Variants in XRCC4 observed in about 807,000 individuals in gnomAD.
XRCC4 encodes DNA repair protein XRCC4.
XRCC4 carries 28 observed loss-of-function variants against 39.1 expected under a neutral mutation model. The ratio of observed to expected loss-of-function variants is 0.72; its 90% confidence interval spans 0.53 to 0.98. XRCC4 has a LOEUF of 0.98. Ranked by LOEUF, XRCC4 falls within the 50% of genes least tolerant of loss-of-function variation. The pLI is 0.00. For synonymous variants in XRCC4, 123 were observed against 126.4 expected (o/e 0.97, Z 0.18); for missense variants, 350 against 376.4 (o/e 0.93, Z 0.58).
At chr5:83,245,231 G>A (rs996299134) in intron 6 of XRCC4, among the ~76,000 whole-genome samples, 22 of 146,750 alleles carry the variant, frequency 1.5e-4, no homozygotes, top group African/African-American at 4.3e-4. Context: ...CAGGTGTTTT[G>A]GTTAAAAAAA....
the XRCC4 span, among the ~76,000 whole-genome samples, chr5:83,360,433 C>T: frequency 6.6e-6 from 1 of 152,120 alleles, no homozygotes; most frequent in Non-Finnish European, 1.5e-5. Context: ...GTATATTTCT[C>T]TGAGGAACTA....
chr5:83,336,169 T>C (rs1466983958), intron 7 of XRCC4, among the ~76,000 whole-genome samples: 2 of 152,104 alleles, frequency 1.3e-5, no homozygotes, highest in East Asian at 3.8e-4. Context: ...ATTTAAGTTT[T>C]TATCATCTGT....
chr5:83,303,683 T>C (rs1755376080), intron 7 of XRCC4, among the ~76,000 whole-genome samples: 1 of 152,040 alleles, frequency 6.6e-6, no homozygotes, highest in Non-Finnish European at 1.5e-5. Flanking sequence ...TAGTAAAAAA[T>C]ACAAATAATA....
chr5:83,119,306 T>C (rs111256402), intron 3 of XRCC4, among the ~76,000 whole-genome samples: 1 of 152,202 alleles, frequency 6.6e-6, no homozygotes, highest in Non-Finnish European at 1.5e-5. Context: ...GATGTGTTGT[T>C]TGAATGCCTG....
At chr5:83,366,362 G>A in the XRCC4 span, among the ~76,000 whole-genome samples, 1 of 152,046 alleles carries the variant, frequency 6.6e-6, no homozygotes, top group African/African-American at 2.4e-5. Flanking sequence ...ATTCATCTAT[G>A]TCTCTCCCAA....
chr5:83,128,376 A>T (rs1205768372), intron 3 of XRCC4, among the ~76,000 whole-genome samples: 3 of 152,240 alleles, frequency 2.0e-5, no homozygotes, highest in Admixed American at 6.5e-5. Flanking sequence ...TCTATCATTG[A>T]TGGACATTTG....
intron 3 of XRCC4, among the ~76,000 whole-genome samples, chr5:83,114,484 G>C (rs1367131015): frequency 2.0e-5 from 3 of 152,160 alleles, no homozygotes; most frequent in African/African-American, 7.2e-5. Flanking sequence ...TCTGGGGAAG[G>C]GGCAAAATGC....
intron 6 of XRCC4, among the ~76,000 whole-genome samples, chr5:83,211,418 A>C (rs1751640471): frequency 6.6e-6 from 1 of 152,248 alleles, no homozygotes; most frequent in South Asian, 2.1e-4. Flanking sequence ...GTGTTAGGCC[A>C]ATGGATCTAC....
intron 1 of XRCC4, among the ~76,000 whole-genome samples, chr5:83,099,673 G>A (rs1012759467): frequency 3.9e-5 from 6 of 152,134 alleles, no homozygotes; most frequent in Admixed American, 3.3e-4. Context: ...ACAAATTGGG[G>A]TGGGACCCAA....
At chr5:83,262,896 G>C (rs1753811246) in intron 7 of XRCC4, among the ~76,000 whole-genome samples, 1 of 142,870 alleles carries the variant, frequency 7.0e-6, no homozygotes, top group African/African-American at 2.6e-5. Context: ...ACATTGTGCA[G>C]GTTAGTTACA....
chr5:83,365,451 G>A, the XRCC4 span, among the ~76,000 whole-genome samples: 1 of 152,168 alleles, frequency 6.6e-6, no homozygotes, highest in Non-Finnish European at 1.5e-5. Context: ...GCTTCACATG[G>A]TGAGTGTTCC....
At chr5:83,125,033 A>C (rs756286242) in intron 3 of XRCC4, among the ~76,000 whole-genome samples, 18 of 152,312 alleles carry the variant, frequency 1.2e-4, no homozygotes, top group Non-Finnish European at 2.5e-4. Flanking sequence ...CCATTCTAAT[A>C]GGTGTGTTAT....
chr5:83,096,353 G>T (rs139143550), intron 1 of XRCC4, among the ~76,000 whole-genome samples: 62 of 152,176 alleles, frequency 4.1e-4, no homozygotes, highest in African/African-American at 1.2e-3. Flanking sequence ...GTAACTTTTG[G>T]GTCCACTGCC....
rs866805211 is a variant in XRCC4 at position 83,347,789 on chromosome 5, G to T, written c.894-5342G>T. Among the ~76,000 whole-genome samples the T allele has an allele frequency of 5.3e-5, 8 of 152,180 alleles. No individual in the cohort carries two copies. In the South Asian group the frequency reaches 6.2e-4, roughly 12 times the overall value. On this transcript the variant is annotated intron_variant, in intron 7 of 7. Coordinates refer to ENST00000396027, the MANE Select transcript of XRCC4 (RefSeq NM_003401.5). ...GTTAACTCAAAAGTTCAAGTCCAAG[G>T]TCTCATGTGAGACAAGGCAAGTCTC...
intron 7 of XRCC4, chr5:83,280,166 C>T (rs1305867696): frequency 7.9e-6 from 2 of 252,058 alleles, no homozygotes; most frequent in Non-Finnish European, 1.7e-5. Flanking sequence ...AGTTTCCCAT[C>T]AATACAGGAT....
chr5:83,266,813 G>A (rs1375099570), intron 7 of XRCC4, among the ~76,000 whole-genome samples: 1 of 152,068 alleles, frequency 6.6e-6, no homozygotes, highest in Non-Finnish European at 1.5e-5. Context: ...AATTATCAGT[G>A]TATTGGATAA....
At position 83,353,332 on chromosome 5, in the gene XRCC4, C is replaced by A; in HGVS notation, c.*90C>A. 1 of 996,340 alleles carries A rather than the reference C, an allele frequency of 1.0e-6. No homozygotes were observed. The highest frequency in any genetic ancestry group is 1.5e-6 in the Non-Finnish European group (1 of 674,954). The allele number at this position is 996,340 out of a possible 1,614,324, so 61.7% of individuals were successfully genotyped here. ...AAGGAGAATTTCAAGTCAGCAGCCG[C>A]TATTACCGTATCTTACAATTTAATT... On this transcript the variant is annotated 3_prime_UTR_variant, in exon 8 of 8. Coordinates refer to ENST00000396027, the MANE Select transcript of XRCC4 (RefSeq NM_003401.5).
chr5:83,291,169 A>G (rs1447383142), intron 7 of XRCC4, among the ~76,000 whole-genome samples: 2 of 151,830 alleles, frequency 1.3e-5, no homozygotes, highest in Admixed American at 1.3e-4. Context: ...GAGGCACCCC[A>G]GTGAACTGGA....
At chr5:83,373,948 T>C in the XRCC4 span, among the ~76,000 whole-genome samples, 3 of 152,186 alleles carry the variant, frequency 2.0e-5, no homozygotes, top group Admixed American at 2.0e-4. Flanking sequence ...ATATGGATAA[T>C]TGATGGTTTC....
Sources: gnomAD v4.1 joint callset for allele counts (sites outside exome capture counted in the v4.1 genomes callset) on GRCh38, gnomAD v4.1.1 for gene constraint, MANE v1.5 for transcripts, NCBI Gene and HGNC (gene_info 2026-07-23, HGNC 2026-07-21) for gene names.